Variants in LRRC37A2 observed in about 807,000 individuals in gnomAD.
The protein encoded by LRRC37A2 is leucine rich repeat containing 37 member A2.
In LRRC37A2, 9 loss-of-function variants were observed where a neutral mutation model predicts 68.8. The ratio of observed to expected loss-of-function variants is 0.13; its 90% CI spans 0.08 to 0.23. LRRC37A2 has a LOEUF of 0.23. Ranked by LOEUF, LRRC37A2 falls within the 10% of genes least tolerant of loss-of-function variation. The pLI is 1.00. For synonymous variants in LRRC37A2, 63 were observed against 367.6 expected (o/e 0.17, Z 9.48); for missense variants, 168 against 950.4 (o/e 0.18, Z 10.82).
At chr17:46,839,868 A>G in the LRRC37A2 span, among the ~76,000 whole-genome samples, 1 of 151,730 alleles carries the variant, frequency 6.6e-6, no homozygotes, top group Non-Finnish European at 1.5e-5. Context: ...ATCCTTTTTC[A>G]TGGCTGCATA....
chr17:46,983,289 C>CTTT, the LRRC37A2 span, among the ~76,000 whole-genome samples: 514 of 76,836 alleles, frequency 6.7e-3, no homozygotes, highest in East Asian at 0.015. Flanking sequence ...GCCCTTTCTT[C>CTTT]TTTTTTTTTT....
At chr17:46,478,190 CT>C in the LRRC37A2 span, among the ~76,000 whole-genome samples, 1 of 55,016 alleles carries the variant, frequency 1.8e-5, no homozygotes, top group Non-Finnish European at 4.1e-5. Flanking sequence ...CATTCAGACA[CT>C]TTCAGTGATT....
At chr17:46,727,058 C>T in the LRRC37A2 span, among the ~76,000 whole-genome samples, 103 of 152,288 alleles carry the variant, frequency 6.8e-4, no homozygotes, top group Non-Finnish European at 1.1e-3. Context: ...CTCTGCACCT[C>T]AGTTTCTGCT....
the LRRC37A2 span, among the ~76,000 whole-genome samples, chr17:46,500,859 A>C: frequency 2.0e-5 from 3 of 150,972 alleles, no homozygotes; most frequent in African/African-American, 7.4e-5. Context: ...TGGTTCCCCA[A>C]ACAGCACAAC....
chr17:46,860,386 C>T, the LRRC37A2 span, among the ~76,000 whole-genome samples: 21 of 152,112 alleles, frequency 1.4e-4, no homozygotes, highest in African/African-American at 4.8e-4. Flanking sequence ...CCCATCCTGG[C>T]ATCAGCATGA....
the LRRC37A2 span, among the ~76,000 whole-genome samples, chr17:46,920,095 C>T: frequency 6.6e-6 from 1 of 152,226 alleles, no homozygotes; most frequent in Non-Finnish European, 1.5e-5. Context: ...GCTATTCCCT[C>T]AGCCTCAAAT....
At chr17:46,727,419 TA>T in the LRRC37A2 span, among the ~76,000 whole-genome samples, 1 of 152,202 alleles carries the variant, frequency 6.6e-6, no homozygotes, top group Non-Finnish European at 1.5e-5. Flanking sequence ...CCTGGTGACT[TA>T]ATAACATCTG....
the LRRC37A2 span, chr17:46,923,959 ATTT>A: frequency 2.5e-6 from 1 of 398,188 alleles, no homozygotes; most frequent in Non-Finnish European, 4.4e-6. Flanking sequence ...GAATTTTATG[ATTT>A]TTATTTTTTA....
chr17:46,744,513 G>C, the LRRC37A2 span, among the ~76,000 whole-genome samples: 1 of 152,136 alleles, frequency 6.6e-6, no homozygotes, highest in South Asian at 2.1e-4. Context: ...GAATGATATG[G>C]AAAGAATGGC....
At chr17:46,965,273 C>T in the LRRC37A2 span, among the ~76,000 whole-genome samples, 1 of 152,220 alleles carries the variant, frequency 6.6e-6, no homozygotes, top group East Asian at 1.9e-4. Context: ...CTCAACCTCC[C>T]ATGGGTACAA....
the LRRC37A2 span, among the ~76,000 whole-genome samples, chr17:47,020,605 C>A: frequency 6.7e-6 from 1 of 149,642 alleles, no homozygotes; most frequent in East Asian, 2.0e-4. Context: ...TGGTGAAACC[C>A]CATCTCTACT....
the LRRC37A2 span, chr17:46,851,626 C>A: frequency 8.0e-7 from 1 of 1,256,322 alleles, no homozygotes; most frequent in Non-Finnish European, 1.0e-6. The surrounding 1 kb of genome is among the most constrained non-coding windows in gnomAD (Gnocchi z 4.3). Flanking sequence ...GAGGGCGCAG[C>A]GCCGCCAGCA....
At chr17:46,843,347 A>G in the LRRC37A2 span, among the ~76,000 whole-genome samples, 1 of 152,150 alleles carries the variant, frequency 6.6e-6, no homozygotes, top group Non-Finnish European at 1.5e-5. Context: ...TATAATGACA[A>G]CCAGTGGGAA....
chr17:46,572,971 AAGGGAGGGAGGGAGGG>A, the LRRC37A2 span, among the ~76,000 whole-genome samples: 1 of 40,452 alleles, frequency 2.5e-5, no homozygotes, highest in South Asian at 7.2e-4. Flanking sequence ...AAGGACAGAA[AAGGGAGGGAGGGAGGG>A]AGGGAGGGAG....
the LRRC37A2 span, among the ~76,000 whole-genome samples, chr17:46,926,807 A>G: frequency 1.3e-5 from 2 of 152,200 alleles, no homozygotes; most frequent in African/African-American, 2.4e-5. Context: ...GTTCAAAGCA[A>G]ATAGAGATTT....
At chr17:46,834,124 A>G in the LRRC37A2 span, among the ~76,000 whole-genome samples, 1 of 152,112 alleles carries the variant, frequency 6.6e-6, no homozygotes, top group Non-Finnish European at 1.5e-5. Context: ...GAGCCCAGGC[A>G]TTTGAGGTTG....
the LRRC37A2 span, among the ~76,000 whole-genome samples, chr17:46,792,939 T>C: frequency 1.3e-5 from 2 of 151,924 alleles, no homozygotes; most frequent in Non-Finnish European, 2.9e-5. Flanking sequence ...TAAAGTCACA[T>C]AGCTAGGAAA....
At chr17:46,793,404 C>T in the LRRC37A2 span, among the ~76,000 whole-genome samples, 2 of 152,004 alleles carry the variant, frequency 1.3e-5, no homozygotes, top group African/African-American at 2.4e-5. Context: ...CTGCTCCGGC[C>T]GCTGTTGGGG....
the LRRC37A2 span, among the ~76,000 whole-genome samples, chr17:46,848,260 C>T: frequency 6.6e-6 from 1 of 152,180 alleles, no homozygotes; most frequent in Admixed American, 6.5e-5. Context: ...TGTCCGAGCC[C>T]AGGAAGGAGT....
Sources: gnomAD v4.1 joint callset for allele counts (sites outside exome capture counted in the v4.1 genomes callset) on GRCh38, gnomAD v4.1.1 for gene constraint, Gnocchi (gnomAD v3.1) non-coding constraint, MANE v1.5 for transcripts, NCBI Gene and HGNC (gene_info 2026-07-23, HGNC 2026-07-21) for gene names.